Variants in SPHKAP observed in about 807,000 individuals in gnomAD.
SPHKAP encodes SPHK1 interactor, AKAP domain containing.
In SPHKAP, 67 loss-of-function variants were observed where a neutral mutation model predicts 137.5. The observed-to-expected ratio is 0.49, with a 90% CI of 0.40 to 0.60. SPHKAP has a LOEUF of 0.60. SPHKAP is among the 20% of genes least tolerant of loss of function. The probability of loss-of-function intolerance (pLI) is 0.00; values close to 1 mark genes in which losing one functional copy is unlikely to be tolerated. For synonymous variants in SPHKAP, 813 were observed against 785.3 expected, an observed-to-expected ratio of 1.04 and a Z score of -0.59; for missense variants, 2,097 against 2,069.3, an observed-to-expected ratio of 1.01 and a Z score of -0.26.
intron 7 of SPHKAP, among the ~76,000 whole-genome samples, chr2:228,011,763 T>C (rs1694382367): frequency 6.6e-6 from 1 of 152,216 alleles, no homozygotes; most frequent in Non-Finnish European, 1.5e-5. Flanking sequence ...TGTTTTCATA[T>C]AGTTTTACTT....
intron 3 of SPHKAP, among the ~76,000 whole-genome samples, chr2:228,050,019 A>C (rs1696200232): frequency 6.6e-6 from 1 of 152,218 alleles, no homozygotes; most frequent in South Asian, 2.1e-4. Flanking sequence ...CCCATTAAAA[A>C]GTGGGCAAAG....
intron 3 of SPHKAP, among the ~76,000 whole-genome samples, chr2:228,106,488 T>C (rs1698349214): frequency 6.6e-6 from 1 of 152,240 alleles, no homozygotes; most frequent in Non-Finnish European, 1.5e-5. Flanking sequence ...CATTTAAGTT[T>C]GGGATGATTT....
chr2:228,073,148 G>A (rs779231773), intron 3 of SPHKAP, among the ~76,000 whole-genome samples: 1 of 152,220 alleles, frequency 6.6e-6, no homozygotes, highest in African/African-American at 2.4e-5. Flanking sequence ...GCTGAGAGGG[G>A]CAGAATAATT....
intron 11 of SPHKAP, among the ~76,000 whole-genome samples, chr2:227,989,182 A>G (rs1010866645): frequency 2.6e-5 from 4 of 152,198 alleles, no homozygotes; most frequent in Non-Finnish European, 5.9e-5. Flanking sequence ...ACACAGTTAA[A>G]AAAATCCAGA....
At chr2:228,073,282 A>G (rs886403764) in intron 3 of SPHKAP, among the ~76,000 whole-genome samples, 1 of 152,212 alleles carries the variant, frequency 6.6e-6, no homozygotes, top group African/African-American at 2.4e-5. Flanking sequence ...TAAGGGCTTC[A>G]AATTGAATAA....
At chr2:228,122,647 G>A (rs575788352) in intron 2 of SPHKAP, among the ~76,000 whole-genome samples, 33 of 152,268 alleles carry the variant, frequency 2.2e-4, no homozygotes, top group Admixed American at 1.6e-3. Context: ...CTGTTTCTGC[G>A]TGGACCTGGT....
chr2:228,176,447 G>C (rs145786574), intron 1 of SPHKAP, among the ~76,000 whole-genome samples: 4 of 152,334 alleles, frequency 2.6e-5, no homozygotes, highest in Non-Finnish European at 5.9e-5. Context: ...GTATATCCAA[G>C]TATATCCATA....
At chr2:228,178,424 C>T (rs1021633973) in intron 1 of SPHKAP, among the ~76,000 whole-genome samples, 11 of 152,084 alleles carry the variant, frequency 7.2e-5, no homozygotes, top group South Asian at 2.1e-4. Context: ...TAACACCTTA[C>T]GAAACACACG....
In SPHKAP at chr2:228,027,368, T is replaced by C. The variant is rs552273404; in HGVS notation, c.306+116A>G. The stretch of plus-strand genomic sequence containing the variant: ...TAGGGAAAGGGTCGGGGAAATGGCC[T>C]GTAATGAAACTATCTAACTAAAGAG... On this transcript the variant is annotated intron_variant, in intron 4 of 11. Coordinates refer to ENST00000392056, the MANE Select transcript of SPHKAP (RefSeq NM_001142644.2). 9 of 1,076,232 alleles carry C rather than the reference T, an allele frequency of 8.4e-6. No individual in the cohort carries two copies. The South Asian group carries it at 1.1e-4, about 13-fold the overall frequency. 66.7% of individuals were successfully genotyped at this position (1,076,232 alleles called of 1,614,324 possible). A position where few individuals can be genotyped will look rare whatever the true frequency, so the allele number is the denominator to read the frequency against.
At chr2:228,173,847 C>T (rs1574919714) in intron 1 of SPHKAP, among the ~76,000 whole-genome samples, 1 of 152,182 alleles carries the variant, frequency 6.6e-6, no homozygotes, top group East Asian at 1.9e-4. Flanking sequence ...ACTTGTACTT[C>T]AAAAACCATG....
chr2:227,995,447 A>G, intron 8 of SPHKAP, 62 bp downstream of exon 8: 1 of 1,594,686 alleles, frequency 6.3e-7, no homozygotes, highest in East Asian at 2.2e-5. Flanking sequence ...AACCATTAAA[A>G]TGCATTTTTA....
intron 3 of SPHKAP, among the ~76,000 whole-genome samples, chr2:228,099,676 T>C (rs998254768): frequency 2.0e-5 from 3 of 152,126 alleles, no homozygotes; most frequent in Non-Finnish European, 4.4e-5. Context: ...GATTTTCCCA[T>C]TTGTTTGTGT....
chr2:228,030,547 A>C (rs1695265211), intron 3 of SPHKAP, among the ~76,000 whole-genome samples: 1 of 102,964 alleles, frequency 9.7e-6, no homozygotes, highest in African/African-American at 4.1e-5. Flanking sequence ...AAAAAACAAA[A>C]AAAAAAAAAT....
intron 3 of SPHKAP, among the ~76,000 whole-genome samples, chr2:228,089,154 GA>G (rs1697637893): frequency 6.6e-6 from 1 of 152,218 alleles, no homozygotes; most frequent in African/African-American, 2.4e-5. Context: ...TAGAAATATG[GA>G]CAGAGAAGCC....
intron 11 of SPHKAP, among the ~76,000 whole-genome samples, chr2:227,985,461 A>G (rs1024018834): frequency 6.6e-6 from 1 of 152,192 alleles, no homozygotes; most frequent in African/African-American, 2.4e-5. Context: ...TTTAGCAGAA[A>G]GTCCTAGAGC....
At chr2:228,031,227 C>T (rs546939465) in intron 3 of SPHKAP, among the ~76,000 whole-genome samples, 21 of 152,354 alleles carry the variant, frequency 1.4e-4, no homozygotes, top group African/African-American at 4.8e-4. Flanking sequence ...ATATCCCGCA[C>T]CTGGCTCAGA....
At chr2:228,076,092 C>T (rs988633722) in intron 3 of SPHKAP, among the ~76,000 whole-genome samples, 2 of 152,180 alleles carry the variant, frequency 1.3e-5, no homozygotes, top group Non-Finnish European at 1.5e-5. Flanking sequence ...AGTTTCCCTG[C>T]ACAAGCCCTC....
intron 1 of SPHKAP, among the ~76,000 whole-genome samples, chr2:228,150,726 C>T (rs980310499): frequency 1.3e-5 from 2 of 151,370 alleles, no homozygotes; most frequent in African/African-American, 2.4e-5. Flanking sequence ...AAAGAACCAA[C>T]TTTTGATTCA....
At chr2:227,990,809 G>A (rs1693384460) in intron 11 of SPHKAP, 191 bp downstream of exon 11, 5 of 604,034 alleles carry the variant, frequency 8.3e-6, no homozygotes, top group Non-Finnish European at 2.8e-6. Context: ...GACAAAGTAA[G>A]GATCAAAGAA....
Sources: allele counts gnomAD v4.1 joint callset (sites outside exome capture counted in the v4.1 genomes callset), GRCh38; gene constraint gnomAD v4.1.1; transcripts MANE v1.5; gene names NCBI Gene and HGNC (gene_info 2026-07-23, HGNC 2026-07-21).